NEIL3: variants seen among roughly 807,000 people sequenced by gnomAD.
NEIL3 encodes the protein nei like DNA glycosylase 3.
A neutral mutation model predicts 57.5 loss-of-function variants in NEIL3; 48 were observed. That is an observed-to-expected ratio of 0.83 (90% CI 0.66 to 1.06). The LOEUF (loss-of-function observed/expected upper bound fraction) is 1.06, where lower values mean the gene tolerates loss of function less well. NEIL3 is among the 50% of genes least tolerant of loss of function. NEIL3 has a pLI of 0.00. For synonymous variants in NEIL3, 261 were observed against 253.2 expected, an observed-to-expected ratio of 1.03 and a Z score of -0.29; for missense variants, 717 against 739.1, an observed-to-expected ratio of 0.97 and a Z score of 0.35.
rs1345472342 is a variant in NEIL3, at chr4:177,341,555, T to A, written c.782T>A (p.Ile261Lys). 6.2e-7 allele frequency: 1 copy of A among 1,613,756 alleles called. No individual in the cohort carries two copies. Among genetic ancestry groups the A allele is most frequent in the Non-Finnish European group, 8.5e-7 (1 of 1,179,870 alleles). ...RPNCGQCHCRITVCRFGDNNR... is the reference protein window; with the variant it reads ...RPNCGQCHCRKTVCRFGDNNR... ...AATTGTGGTCAGTGCCACTGCAGAA[T>A]AACTGTGTGCCGCTTTGGGGACAAT... is the stretch of plus-strand genomic sequence containing the variant. The change falls in exon 6 of 10, where the codon ATA becomes AAA. Residue 261 changes from isoleucine (I) to lysine (K), a missense_variant. Physicochemically the swap from Ile to Lys is moderately radical, Grantham distance 102. Coordinates refer to ENST00000264596, the MANE Select transcript of NEIL3 (RefSeq NM_018248.3).
intron 2 of NEIL3, among the ~76,000 whole-genome samples, chr4:177,334,823 A>G (rs940784404): frequency 2.6e-5 from 4 of 152,252 alleles, no homozygotes; most frequent in South Asian, 2.1e-4. Context: ...CAACAAAGCT[A>G]TGAGGAGAAG....
intron 1 of NEIL3, among the ~76,000 whole-genome samples, chr4:177,312,728 G>A (rs1333146596): frequency 2.6e-5 from 4 of 152,078 alleles, no homozygotes; most frequent in Non-Finnish European, 5.9e-5. Context: ...ATTGGAATAG[G>A]TCTTTGTGGT....
chr4:177,331,606 C>T (rs552890563), intron 2 of NEIL3, among the ~76,000 whole-genome samples: 1 of 152,130 alleles, frequency 6.6e-6, no homozygotes, highest in East Asian at 1.9e-4. Flanking sequence ...ATATTTATCT[C>T]TTGATACTTT....
intron 4 of NEIL3, among the ~76,000 whole-genome samples, chr4:177,337,845 C>T (rs532457910): frequency 6.6e-6 from 1 of 152,268 alleles, no homozygotes; most frequent in African/African-American, 2.4e-5. Flanking sequence ...ATGGTGAAAC[C>T]CTGTCTCTAC....
Position 177,341,459 on chromosome 4 carries a change from G to GTTTT in NEIL3, c.703-6_703-3dup. On this transcript the variant is annotated splice_polypyrimidine_tract_variant and intron_variant, in intron 5 of 9. Transcript: ENST00000264596. ...GTTTTGTGGATAACAGAATTTTTTG[G>GTTTT]TTTTTTTTTTTTTTAGTGCCGTAAA... The GTTTT allele has an allele frequency of 1.9e-5, 28 of 1,440,738 alleles. No homozygotes were observed. Among genetic ancestry groups the GTTTT allele is most frequent in the South Asian group, 1.3e-4 (10 of 74,572 alleles). The allele number at this position is 1,440,738 out of a possible 1,614,324, so 89.2% of individuals were successfully genotyped here.
chr4:177,329,692 C>G (rs1215660417), intron 2 of NEIL3, among the ~76,000 whole-genome samples: 1 of 152,078 alleles, frequency 6.6e-6, no homozygotes, highest in Middle Eastern at 3.2e-3. Context: ...GATAAAAGAC[C>G]TGAGCAACAC....
chr4:177,351,841 A>G (rs1000387155), intron 7 of NEIL3, among the ~76,000 whole-genome samples: 1 of 152,210 alleles, frequency 6.6e-6, no homozygotes, highest in Non-Finnish European at 1.5e-5. Flanking sequence ...ATTATTCAAT[A>G]AAGCTTTGTT....
downstream of NEIL3, among the ~76,000 whole-genome samples, chr4:177,366,234 T>C (rs1372210997): frequency 6.6e-6 from 1 of 152,226 alleles, no homozygotes; most frequent in Admixed American, 6.5e-5. Context: ...CAGGTAGATA[T>C]ATGTGACAAC....
At chr4:177,368,512 C>T in the NEIL3 span, among the ~76,000 whole-genome samples, 1 of 152,136 alleles carries the variant, frequency 6.6e-6, no homozygotes, top group Non-Finnish European at 1.5e-5. Context: ...TTGTATTTGT[C>T]CTTTCTGCAT....
chr4:177,338,859 T>G (rs921394482), intron 4 of NEIL3, among the ~76,000 whole-genome samples: 3 of 150,876 alleles, frequency 2.0e-5, no homozygotes, highest in African/African-American at 4.9e-5. Context: ...TCTTGGTAAT[T>G]TTTTTTTTTG....
intron 1 of NEIL3, among the ~76,000 whole-genome samples, chr4:177,312,286 A>C (rs1734492072): frequency 6.6e-6 from 1 of 152,192 alleles, no homozygotes; most frequent in Non-Finnish European, 1.5e-5. Context: ...ATTTTTCTTT[A>C]AAACTCCAAA....
intron 1 of NEIL3, among the ~76,000 whole-genome samples, chr4:177,316,223 G>A (rs1257631205): frequency 3.3e-5 from 5 of 152,168 alleles, no homozygotes; most frequent in Non-Finnish European, 5.9e-5. Flanking sequence ...TACAGAAAGT[G>A]AAACCTTGGA....
chr4:177,310,387 C>T (rs1166998976), intron 1 of NEIL3, among the ~76,000 whole-genome samples: 1 of 152,200 alleles, frequency 6.6e-6, no homozygotes, highest in African/African-American at 2.4e-5. Context: ...CCTTACTTAA[C>T]TTCTTTATGA....
rs1018037414 is a variant in NEIL3 at position 177,355,563 on chromosome 4, G to A, written c.1460+1835G>A. Among the ~76,000 whole-genome samples, 5 of 152,076 alleles carry A rather than the reference G, an allele frequency of 3.3e-5. No individual in the cohort carries two copies. The South Asian group carries it at 6.2e-4, about 19-fold the overall frequency. ...CCAAGGTTGGTTGAATTCATGGATT[G>A]GGAACCTACGGCTATGGAGGGATGT... On this transcript the variant is annotated intron_variant, in intron 8 of 9. Coordinates refer to ENST00000264596, the MANE Select transcript of NEIL3 (RefSeq NM_018248.3).
intron 1 of NEIL3, among the ~76,000 whole-genome samples, chr4:177,317,931 A>C (rs1318579389): frequency 6.6e-6 from 1 of 152,140 alleles, no homozygotes; most frequent in African/African-American, 2.4e-5. Flanking sequence ...AGATGACAGT[A>C]GGTTTGCAGA....
chr4:177,330,509 T>C (rs1734861166), intron 2 of NEIL3, among the ~76,000 whole-genome samples: 2 of 151,958 alleles, frequency 1.3e-5, no homozygotes, highest in African/African-American at 4.8e-5. Flanking sequence ...ATCAATGGAA[T>C]TTAAAAATGA....
At chr4:177,320,959 C>CT (rs1243264013) in intron 1 of NEIL3, among the ~76,000 whole-genome samples, 2,138 of 140,706 alleles carry the variant, frequency 0.015, 34 homozygotes, top group African/African-American at 0.043. Flanking sequence ...GTGTCTGTCT[C>CT]TTTTTTTTTT....
intron 1 of NEIL3, among the ~76,000 whole-genome samples, chr4:177,311,768 A>G (rs956709352): frequency 6.6e-6 from 1 of 151,740 alleles, no homozygotes; most frequent in African/African-American, 2.4e-5. Flanking sequence ...AAAGAAAGCC[A>G]GAGTAGACAC....
intron 6 of NEIL3, among the ~76,000 whole-genome samples, chr4:177,348,564 G>A (rs963691267): frequency 1.3e-5 from 2 of 152,102 alleles, no homozygotes; most frequent in South Asian, 4.1e-4. Flanking sequence ...GATTACCGCT[G>A]CCTGCAATCC....
Sources: gnomAD v4.1 joint callset for allele counts (sites outside exome capture counted in the v4.1 genomes callset) on GRCh38, gnomAD v4.1.1 for gene constraint, MANE v1.5 for transcripts, NCBI Gene and HGNC (gene_info 2026-07-23, HGNC 2026-07-21) for gene names.